The following POU6F2 variants were observed in gnomAD, a reference collection of about 807,000 sequenced individuals.
The protein encoded by POU6F2 is POU class 6 homeobox 2, also known as POU domain, class 6, transcription factor 2.
POU6F2 carries 31 observed loss-of-function variants against 71.3 expected under a neutral mutation model. The observed-to-expected ratio is 0.43, with a 90% CI of 0.33 to 0.59. The LOEUF is 0.59. POU6F2 is among the 20% of genes least tolerant of loss of function. The pLI is 0.04. For synonymous variants in POU6F2, 347 were observed against 355.7 expected (o/e 0.98, Z 0.27); for missense variants, 783 against 856.8 (o/e 0.91, Z 1.07).
chr7:39,134,400 T>C (rs1240171897), intron 2 of POU6F2, among the ~76,000 whole-genome samples: 1 of 152,148 alleles, frequency 6.6e-6, no homozygotes, highest in African/African-American at 2.4e-5. Context: ...GGTGCTGCTC[T>C]TCTGGAGCCA....
intron 5 of POU6F2, among the ~76,000 whole-genome samples, chr7:39,405,181 G>A (rs1016132656): frequency 5.9e-5 from 9 of 152,140 alleles, no homozygotes; most frequent in South Asian, 4.1e-4. Flanking sequence ...ATAAGATAAA[G>A]ATACCACATT....
At chr7:39,304,405 G>C (rs1438275906) in intron 4 of POU6F2, among the ~76,000 whole-genome samples, 1 of 152,098 alleles carries the variant, frequency 6.6e-6, no homozygotes, top group African/African-American at 2.4e-5. Context: ...GGTAACCTCA[G>C]ACGGTTCACC....
intron 2 of POU6F2, among the ~76,000 whole-genome samples, chr7:39,145,710 C>T (rs185666807): frequency 1.3e-5 from 2 of 152,208 alleles, no homozygotes; most frequent in African/African-American, 4.8e-5. Context: ...GTACCCCAGA[C>T]TTCTCACCCC....
chr7:39,330,191 T>C (rs942370901), intron 4 of POU6F2, among the ~76,000 whole-genome samples: 2 of 152,236 alleles, frequency 1.3e-5, no homozygotes, highest in African/African-American at 4.8e-5. Flanking sequence ...ATTAACTTGA[T>C]ATATCATCTG....
At chr7:39,463,652 T>C (rs1788999936) in intron 9 of POU6F2, among the ~76,000 whole-genome samples, 1 of 152,166 alleles carries the variant, frequency 6.6e-6, no homozygotes, top group African/African-American at 2.4e-5. Context: ...GAGAGCCATA[T>C]AAAAGTCCCA....
chr7:39,197,867 A>G (rs1016498429), intron 2 of POU6F2, among the ~76,000 whole-genome samples: 7 of 152,228 alleles, frequency 4.6e-5, no homozygotes, highest in Non-Finnish European at 8.8e-5. Context: ...AGATACATAC[A>G]TATGTATATT....
chr7:39,058,219 C>T (rs1790575542), intron 1 of POU6F2, among the ~76,000 whole-genome samples: 1 of 152,178 alleles, frequency 6.6e-6, no homozygotes, highest in Non-Finnish European at 1.5e-5. Flanking sequence ...GTCATTGACT[C>T]AGTCTCCCGG....
intron 2 of POU6F2, among the ~76,000 whole-genome samples, chr7:39,098,902 A>G (rs948282598): frequency 6.6e-6 from 1 of 152,220 alleles, no homozygotes; most frequent in African/African-American, 2.4e-5. Flanking sequence ...CATAAAACCA[A>G]CAAAAATTGT....
intron 2 of POU6F2, among the ~76,000 whole-genome samples, chr7:39,201,971 T>C (rs114163765): frequency 0.011 from 1,720 of 152,224 alleles, 35 homozygotes; most frequent in African/African-American, 0.039. Flanking sequence ...ACATTACTTT[T>C]GGATCCAGGC....
intron 5 of POU6F2, among the ~76,000 whole-genome samples, chr7:39,363,384 A>G (rs999483720): frequency 1.3e-5 from 2 of 152,120 alleles, no homozygotes; most frequent in African/African-American, 4.8e-5. Context: ...TGTTCTTAAC[A>G]TGTTAGTTTT....
intron 5 of POU6F2, among the ~76,000 whole-genome samples, chr7:39,364,222 A>G (rs1360841219): frequency 6.6e-6 from 1 of 151,874 alleles, no homozygotes; most frequent in Non-Finnish European, 1.5e-5. Context: ...CAGCAATGAA[A>G]GGGCATGGAA....
chr7:39,010,035 C>T (rs1789221662), intron 1 of POU6F2, among the ~76,000 whole-genome samples: 1 of 149,104 alleles, frequency 6.7e-6, no homozygotes, highest in Admixed American at 6.7e-5. Context: ...ATGCTGGCCT[C>T]ATAAAATGAG....
chr7:39,113,890 G>A (rs1791874591), intron 2 of POU6F2, among the ~76,000 whole-genome samples: 1 of 152,096 alleles, frequency 6.6e-6, no homozygotes, highest in Admixed American at 6.6e-5. Context: ...GGAGAAAAGA[G>A]CAAAAAGACA....
Position 39,207,384 on chromosome 7 carries a change from C to T in POU6F2, c.370-8C>T. 1 of 1,612,954 alleles carries T rather than the reference C, an allele frequency of 6.2e-7. No individual in the cohort carries two copies. The highest frequency in any genetic ancestry group is 8.5e-7 in the Non-Finnish European group (1 of 1,179,164). On this transcript the variant is annotated splice_polypyrimidine_tract_variant and splice_region_variant and intron_variant, in intron 3 of 9. Coordinates refer to ENST00000518318, the MANE Select transcript of POU6F2 (RefSeq NM_001370959.1). ...GAAAGTGAGCTAGCTGTATCTGTTTCCTTGCAGCCACTTCTGACGGCACAG... is the reference window on the plus strand; with the variant it reads ...GAAAGTGAGCTAGCTGTATCTGTTTTCTTGCAGCCACTTCTGACGGCACAG...
chr7:39,188,022 A>C (rs1793581786), intron 2 of POU6F2, among the ~76,000 whole-genome samples: 1 of 152,138 alleles, frequency 6.6e-6, no homozygotes. Flanking sequence ...TATCATGACC[A>C]TTTGTGATTG....
rs1316382131 is a variant in POU6F2, at chr7:39,160,696, GT to G, written c.278-43537del. On this transcript the variant is annotated intron_variant, in intron 2 of 9. Coordinates refer to ENST00000518318, the MANE Select transcript of POU6F2 (RefSeq NM_001370959.1). ...AATCAGCCTATTTCATGAAGACTTTGTTGATTAATTCTTTGGGATTAACTTG... is the reference window on the plus strand; with the variant it reads ...AATCAGCCTATTTCATGAAGACTTTGTGATTAATTCTTTGGGATTAACTTG... Among the ~76,000 whole-genome samples the G allele has an allele frequency of 7.2e-5, 11 of 152,050 alleles. 1 individual carries two copies. Among genetic ancestry groups the G allele is most frequent in the African/African-American group, 2.7e-4 (11 of 41,392 alleles).
intron 4 of POU6F2, among the ~76,000 whole-genome samples, chr7:39,261,932 C>T (rs1054623658): frequency 2.6e-5 from 4 of 152,208 alleles, no homozygotes; most frequent in South Asian, 4.2e-4. Context: ...TTTCTCTCAT[C>T]GTGATTTTAG....
intron 1 of POU6F2, among the ~76,000 whole-genome samples, chr7:39,078,164 C>T (rs17171526): frequency 0.32 from 48,968 of 152,080 alleles, 8,080 homozygotes; most frequent in South Asian, 0.45. Flanking sequence ...ATTAAACACG[C>T]TTTTATTGCC....
intron 5 of POU6F2, among the ~76,000 whole-genome samples, chr7:39,367,814 A>T (rs957951909): frequency 5.3e-5 from 8 of 152,194 alleles, no homozygotes; most frequent in African/African-American, 1.7e-4. Context: ...TAATTCTTAC[A>T]ATATTACAAG....
Sources: allele counts gnomAD v4.1 joint callset (sites outside exome capture counted in the v4.1 genomes callset), GRCh38; gene constraint gnomAD v4.1.1; transcripts MANE v1.5; gene names NCBI Gene and HGNC (gene_info 2026-07-23, HGNC 2026-07-21).